TTLL5: variants seen among roughly 807,000 people sequenced by gnomAD.
TTLL5 encodes the protein tubulin tyrosine ligase like 5, also known as tubulin polyglutamylase TTLL5.
Under a neutral mutation model 168.4 loss-of-function variants are expected in TTLL5, and 132 were observed. That is an observed-to-expected ratio of 0.78 (90% CI 0.68 to 0.91). The LOEUF (loss-of-function observed/expected upper bound fraction) is 0.91. Among genes scored for constraint, TTLL5 ranks in the 40% least tolerant of loss-of-function variants. TTLL5 has a pLI of 0.00. For synonymous variants in TTLL5, 546 were observed against 558.6 expected, an observed-to-expected ratio of 0.98 and a Z score of 0.32; for missense variants, 1,545 against 1,581.5, an observed-to-expected ratio of 0.98 and a Z score of 0.39.
intron 17 of TTLL5, among the ~76,000 whole-genome samples, chr14:75,746,360 C>T (rs1889610862): frequency 6.6e-6 from 1 of 152,116 alleles, no homozygotes; most frequent in Admixed American, 6.5e-5. Flanking sequence ...GTTATGGTCT[C>T]TTTTGAAGAA....
In TTLL5 at chr14:75,766,311, A is replaced by C. The variant is rs1273366157; in HGVS notation, c.1958A>C (p.Gln653Pro). 16 of 1,614,034 alleles carry C rather than the reference A, an allele frequency of 9.9e-6. No individual in the cohort carries two copies. The highest frequency in any genetic ancestry group is 1.2e-5 in the Non-Finnish European group (14 of 1,179,974). The change falls in exon 20 of 32, where the codon CAG (glutamine) becomes CCG (proline). Residue 653 changes from glutamine to proline, a missense_variant. Coordinates refer to ENST00000298832, the MANE Select transcript of TTLL5 (RefSeq NM_015072.5). ...KGGHCCKLET[Q>P]ELEPKFNLMQ... ...GGACACTGCTGCAAACTTGAGACTC[A>C]GGAGCTAGAGCCTAAATTTAACCTG...
intron 29 of TTLL5, among the ~76,000 whole-genome samples, chr14:75,868,128 T>C (rs189195836): frequency 5.3e-5 from 8 of 152,272 alleles, no homozygotes; most frequent in African/African-American, 1.7e-4. Context: ...CTCAGTAGTT[T>C]CTGTTAAAGT....
intron 28 of TTLL5, among the ~76,000 whole-genome samples, chr14:75,842,815 G>A (rs1211741684): frequency 2.0e-5 from 3 of 152,048 alleles, no homozygotes; most frequent in Non-Finnish European, 2.9e-5. Context: ...TAAACCCAGC[G>A]GCTTTTCAAA....
At chr14:75,670,208 C>CT (rs896565332) in intron 3 of TTLL5, among the ~76,000 whole-genome samples, 2 of 150,740 alleles carry the variant, frequency 1.3e-5, no homozygotes, top group African/African-American at 2.4e-5. Context: ...TTGTTTCCAC[C>CT]TTTTTTTTTA....
Position 75,779,581 on chromosome 14 carries a change from T to A in TTLL5, c.2394T>A (p.Ala798=). ...FQEFIRQASE[A]ELEEVLTFYT... Reference sequence around the variant, plus strand: ...CTTTTTCTCCTCATTTCAGTGAGGCTGAACTGGAGGAGGTGTTGACTTTTT... The same window carrying A: ...CTTTTTCTCCTCATTTCAGTGAGGCAGAACTGGAGGAGGTGTTGACTTTTT... The change falls in exon 24 of 32, where the codon GCT becomes GCA. Residue 798 remains alanine (A), a synonymous_variant. Transcript: ENST00000298832. 1 of 1,613,462 alleles carries A rather than the reference T, an allele frequency of 6.2e-7. No individual in the cohort carries two copies. The highest frequency in any genetic ancestry group is 8.5e-7 in the Non-Finnish European group (1 of 1,179,750).
chr14:75,914,617 TTG>T (rs1426892360), intron 31 of TTLL5, among the ~76,000 whole-genome samples: 3 of 112,680 alleles, frequency 2.7e-5, no homozygotes, highest in African/African-American at 1.1e-4. Context: ...ATCACTACTC[TTG>T]TTTTTTTTTT....
rs887482424 is a variant in TTLL5, at chr14:75,954,502, G to A, written c.*56G>A. 37 of 1,597,552 alleles carry A rather than the reference G, an allele frequency of 2.3e-5. No homozygotes were observed. The highest frequency in any genetic ancestry group is 3.0e-5 in the Non-Finnish European group (35 of 1,165,994). ...ACCACTCCTGGGTGCATGATTGAGG[G>A]TGAAGCATCCACCAGCACTTCAAGG... On this transcript the variant is annotated 3_prime_UTR_variant, in exon 32 of 32. Transcript: ENST00000298832.
intron 7 of TTLL5, among the ~76,000 whole-genome samples, chr14:75,700,453 A>G (rs533251593): frequency 6.6e-6 from 1 of 152,262 alleles, no homozygotes; most frequent in South Asian, 2.1e-4. Context: ...TAAGGCAAAA[A>G]CACTTCAAAT....
intron 29 of TTLL5, among the ~76,000 whole-genome samples, chr14:75,879,167 A>T (rs1354070867): frequency 6.6e-6 from 1 of 152,232 alleles, no homozygotes; most frequent in Non-Finnish European, 1.5e-5. Flanking sequence ...GTAAGTGGCT[A>T]TAATACATGG....
chr14:75,857,416 G>GATAGATAGATAT (rs906308810), intron 28 of TTLL5, among the ~76,000 whole-genome samples: 5 of 150,756 alleles, frequency 3.3e-5, no homozygotes, highest in African/African-American at 1.2e-4. Context: ...TAGATAGATA[G>GATAGATAGATAT]ATTTTATTAG....
chr14:75,727,342 G>T (rs546038264), intron 12 of TTLL5, among the ~76,000 whole-genome samples: 2 of 152,264 alleles, frequency 1.3e-5, no homozygotes, highest in East Asian at 3.9e-4. Context: ...CCATATAATG[G>T]AATACTACTC....
chr14:75,920,583 CT>C (rs2033791516), intron 31 of TTLL5, among the ~76,000 whole-genome samples: 1 of 152,136 alleles, frequency 6.6e-6, no homozygotes, highest in African/African-American at 2.4e-5. Flanking sequence ...TGAACTCATC[CT>C]TTTTTATGGC....
At chr14:75,916,573 G>T (rs2033622594) in intron 31 of TTLL5, among the ~76,000 whole-genome samples, 1 of 152,076 alleles carries the variant, frequency 6.6e-6, no homozygotes, top group African/African-American at 2.4e-5. Context: ...GGAGGTCGAG[G>T]CTGCCATGAT....
chr14:75,680,359 T>C lies in TTLL5; in HGVS notation c.182-1186T>C, dbSNP rs564072497. The stretch of plus-strand genomic sequence containing the variant: ...GGGGCAGGTGCAGTTCTCCAGCTGA[T>C]TCTTGCCATTGGAGAGAAGAAAGCC... On this transcript the variant is annotated intron_variant, in intron 3 of 31. Transcript: ENST00000298832. 1.4e-3 allele frequency among the ~76,000 whole-genome samples: 217 copies of C among 152,284 alleles called. 1 individual carries two copies. The highest frequency in any genetic ancestry group is 5.1e-3 in the African/African-American group (212 of 41,564).
At chr14:75,843,549 C>A (rs1896368673) in intron 28 of TTLL5, among the ~76,000 whole-genome samples, 1 of 152,238 alleles carries the variant, frequency 6.6e-6, no homozygotes, top group Non-Finnish European at 1.5e-5. Context: ...TCAACTATTT[C>A]CCATTTCAGA....
chr14:75,698,976 C>G (rs1886067109), intron 6 of TTLL5, among the ~76,000 whole-genome samples: 1 of 151,744 alleles, frequency 6.6e-6, no homozygotes, highest in African/African-American at 2.4e-5. Context: ...TTTTGCTGTC[C>G]TCTTTTCTCC....
intron 28 of TTLL5, among the ~76,000 whole-genome samples, chr14:75,850,125 G>A (rs1248229590): frequency 6.6e-6 from 1 of 151,888 alleles, no homozygotes; most frequent in Non-Finnish European, 1.5e-5. Context: ...AAAAATCTGG[G>A]GCCGGGCACG....
chr14:75,745,311 A>G (rs564185591), intron 16 of TTLL5, 103 bp downstream of exon 16: 974 of 1,270,356 alleles, frequency 7.7e-4, no homozygotes, highest in Non-Finnish European at 1.0e-3. Flanking sequence ...CTTACATTGA[A>G]AAGAGAAAGA....
At chr14:75,915,799 A>G (rs1168988451) in intron 31 of TTLL5, among the ~76,000 whole-genome samples, 1 of 151,794 alleles carries the variant, frequency 6.6e-6, no homozygotes, top group African/African-American at 2.4e-5. Context: ...ATGGTGAGAT[A>G]CCACCTCACA....
Sources: allele counts gnomAD v4.1 joint callset (sites outside exome capture counted in the v4.1 genomes callset), GRCh38; gene constraint gnomAD v4.1.1; transcripts MANE v1.5; gene names NCBI Gene and HGNC (gene_info 2026-07-23, HGNC 2026-07-21).